Variants in DNAJB9 observed in about 807,000 individuals in gnomAD.
The protein encoded by DNAJB9 is dnaJ homolog subfamily B member 9.
In DNAJB9, 12 loss-of-function variants were observed where a neutral mutation model predicts 19.2. The observed-to-expected ratio is 0.62, with a 90% CI of 0.40 to 1.01. The LOEUF (loss-of-function observed/expected upper bound fraction) is 1.01. DNAJB9 is among the 50% of genes least tolerant of loss of function. DNAJB9 has a pLI of 0.00. For missense variants in DNAJB9, 272 were observed against 261.1 expected, an observed-to-expected ratio of 1.04 and a Z score of -0.29; for synonymous variants, 83 against 84.0, an observed-to-expected ratio of 0.99 and a Z score of 0.07.
At chr7:108,571,646 G>T in intron 1 of DNAJB9, 71 bp from the exon 2 acceptor site, 1 of 1,290,066 alleles carries the variant, frequency 7.8e-7, no homozygotes, top group Non-Finnish European at 1.1e-6. Flanking sequence ...CCTTGTGTTG[G>T]ATTTCTTTTA....
In DNAJB9 at chr7:108,573,112, G is replaced by A. The variant is rs201325742; in HGVS notation, c.431G>A (p.Arg144His). The A allele has an allele frequency of 1.1e-4, 174 of 1,614,028 alleles. No homozygotes were observed. The East Asian group carries it at 3.7e-3, about 34-fold the overall frequency. ...KKRFENHFQTRQDGGSSRQRH... is the reference protein window; with the variant it reads ...KKRFENHFQTHQDGGSSRQRH... Reference sequence around the variant, plus strand: ...CGTTTTGAAAATCATTTCCAGACACGCCAGGATGGTGGTTCCAGTAGACAA... The same window carrying A: ...CGTTTTGAAAATCATTTCCAGACACACCAGGATGGTGGTTCCAGTAGACAA... The change falls in exon 3 of 3, where the codon CGC (arginine) becomes CAC (histidine). Residue 144 changes from arginine to histidine, a missense_variant. Arg to His is a conservative substitution (Grantham distance 29). Coordinates refer to ENST00000249356, the MANE Select transcript of DNAJB9 (RefSeq NM_012328.3).
rs761096432 is a variant in DNAJB9 at position 108,571,715 on chromosome 7, A to G, written c.-10-2A>G. The G allele has an allele frequency of 1.2e-6, 2 of 1,606,260 alleles. No individual in the cohort carries two copies. Among genetic ancestry groups the G allele is most frequent in the Non-Finnish European group, 1.7e-6 (2 of 1,176,156 alleles). ...AACATTTTTTTTTCTTTTCTGTTTT[A>G]GGATATTAGAAATGGCTACTCCCCA... On this transcript the variant is annotated splice_acceptor_variant, in intron 1 of 2. Coordinates refer to ENST00000249356, the MANE Select transcript of DNAJB9 (RefSeq NM_012328.3). LOFTEE classifies it low-confidence loss of function (5UTR_SPLICE).
chr7:108,572,585 A>G (rs1352955294), intron 2 of DNAJB9, among the ~76,000 whole-genome samples: 3 of 152,224 alleles, frequency 2.0e-5, no homozygotes, highest in Admixed American at 2.0e-4. Context: ...CACACGAATA[A>G]TATGAAGATT....
chr7:108,572,243 A>G (rs1157694861), intron 2 of DNAJB9, among the ~76,000 whole-genome samples: 1 of 152,234 alleles, frequency 6.6e-6, no homozygotes, highest in Admixed American at 6.5e-5. Flanking sequence ...TTAGGTACCC[A>G]AAATTCTTAT....
chr7:108,571,706 T>C lies in DNAJB9; in HGVS notation c.-10-11T>C, dbSNP rs1345279371. On this transcript the variant is annotated splice_polypyrimidine_tract_variant and intron_variant, in intron 1 of 2. Transcript: ENST00000249356. ...TCCATCCATAACATTTTTTTTTCTT[T>C]TCTGTTTTAGGATATTAGAAATGGC... 6.3e-7 allele frequency: 1 copy of C among 1,589,276 alleles called. No individual in the cohort carries two copies. The highest frequency in any genetic ancestry group is 2.2e-5 in the East Asian group (1 of 44,636).
Position 108,574,813 on chromosome 7 carries a change from G to A in DNAJB9, c.*1460G>A, listed in dbSNP as rs916406981. The A allele has an allele frequency of 2.0e-5, 3 of 152,082 alleles. No homozygotes were observed. The highest frequency in any genetic ancestry group is 7.2e-5 in the African/African-American group (3 of 41,394). The allele number at this position is 152,082 out of a possible 1,614,324, so 9.4% of individuals were successfully genotyped here. On this transcript the variant is annotated 3_prime_UTR_variant, in exon 3 of 3. Coordinates refer to ENST00000249356, the MANE Select transcript of DNAJB9 (RefSeq NM_012328.3). ...TATTTCCTGGAAGTTATATCTACTAGTTTTGTTTGATAATAATAAAATTAG... is the reference window on the plus strand; with the variant it reads ...TATTTCCTGGAAGTTATATCTACTAATTTTGTTTGATAATAATAAAATTAG...
In DNAJB9 at chr7:108,573,364, A is replaced by C; in HGVS notation, c.*11A>C. 6.6e-7 allele frequency: 1 copy of C among 1,506,260 alleles called. No individual in the cohort carries two copies. Among genetic ancestry groups the C allele is most frequent in the Non-Finnish European group, 8.9e-7 (1 of 1,129,750 alleles). The allele number at this position is 1,506,260 out of a possible 1,614,324, so 93.3% of individuals were successfully genotyped here. ...TGTTCAGGACAGTAGTTCTTATTCTATTCTCACTAAATCCAACTGGTTGAC... is the reference window on the plus strand; with the variant it reads ...TGTTCAGGACAGTAGTTCTTATTCTCTTCTCACTAAATCCAACTGGTTGAC... On this transcript the variant is annotated 3_prime_UTR_variant, in exon 3 of 3. Transcript: ENST00000249356.
rs1212566956 is a variant in DNAJB9 at position 108,573,821 on chromosome 7, A to C, written c.*468A>C. On this transcript the variant is annotated 3_prime_UTR_variant, in exon 3 of 3. Transcript: ENST00000249356. ...AACTGTATAATTGAGTCATTCAGTA[A>C]AGGAGAACAGTATCTTGGTTAATTG... 1 of 153,038 alleles carries C rather than the reference A, an allele frequency of 6.5e-6. No homozygotes were observed. Among genetic ancestry groups the C allele is most frequent in the Non-Finnish European group, 1.5e-5 (1 of 68,350 alleles). 9.5% of individuals were successfully genotyped at this position (153,038 alleles called of 1,614,324 possible).
rs1261691651 is a variant in DNAJB9, at chr7:108,573,380, A to G, written c.*27A>G. 1 of 1,451,668 alleles carries G rather than the reference A, an allele frequency of 6.9e-7. No individual in the cohort carries two copies. The highest frequency in any genetic ancestry group is 1.4e-5 in the African/African-American group (1 of 70,684). The allele number at this position is 1,451,668 out of a possible 1,614,324, so 89.9% of individuals were successfully genotyped here. The stretch of plus-strand genomic sequence containing the variant: ...TCTTATTCTATTCTCACTAAATCCA[A>G]CTGGTTGACTCTTCCTCATTATCTT... On this transcript the variant is annotated 3_prime_UTR_variant, in exon 3 of 3. Coordinates refer to ENST00000249356, the MANE Select transcript of DNAJB9 (RefSeq NM_012328.3).
At position 108,573,296 on chromosome 7, in the gene DNAJB9, T is replaced by A; in HGVS notation, c.615T>A (p.Thr205=). 1 of 1,610,584 alleles carries A rather than the reference T, an allele frequency of 6.2e-7. No individual in the cohort carries two copies. Among genetic ancestry groups the A allele is most frequent in the Non-Finnish European group, 8.5e-7 (1 of 1,178,490 alleles). ...ATGGATCTAGCAAGCACTGCAGGAC[T>A]GTCACTCAACGAAGAGGAAATATGG... The part of the protein sequence containing the change: ...RFHGSSKHCR[T]VTQRRGNMVT... Residue 205 remains threonine (T), a synonymous_variant, in exon 3 of 3, where the codon ACT becomes ACA. Transcript: ENST00000249356.
At position 108,574,368 on chromosome 7, in the gene DNAJB9, T is replaced by C. The variant is rs1564015202; in HGVS notation, c.*1015T>C. 1 of 152,670 alleles carries C rather than the reference T, an allele frequency of 6.6e-6. No individual in the cohort carries two copies. The highest frequency in any genetic ancestry group is 1.5e-5 in the Non-Finnish European group (1 of 68,044). The allele number at this position is 152,670 out of a possible 1,614,324, so 9.5% of individuals were successfully genotyped here. ...TTAAAACAAGTGTCTCATACAACAT[T>C]GTATGTGAGAGAAATATAAATATTT... On this transcript the variant is annotated 3_prime_UTR_variant, in exon 3 of 3. Coordinates refer to ENST00000249356, the MANE Select transcript of DNAJB9 (RefSeq NM_012328.3).
chr7:108,573,924 G>C lies in DNAJB9; in HGVS notation c.*571G>C, dbSNP rs566651601. 4 of 152,480 alleles carry C rather than the reference G, an allele frequency of 2.6e-5. No homozygotes were observed. In the Middle Eastern group the frequency reaches 0.01, roughly 389 times the overall value. The allele number at this position is 152,480 out of a possible 1,614,324, so 9.4% of individuals were successfully genotyped here. On this transcript the variant is annotated 3_prime_UTR_variant, in exon 3 of 3. Transcript: ENST00000249356. Reference sequence around the variant, plus strand: ...TTTCTACAGTAGAACTGGGGTAAAGGAAATGGTTTTATTGCCCATAGTCAT... The same window carrying C: ...TTTCTACAGTAGAACTGGGGTAAAGCAAATGGTTTTATTGCCCATAGTCAT...
At position 108,573,525 on chromosome 7, in the gene DNAJB9, C is replaced by T. The variant is rs1234930381; in HGVS notation, c.*172C>T. On this transcript the variant is annotated 3_prime_UTR_variant, in exon 3 of 3. Coordinates refer to ENST00000249356, the MANE Select transcript of DNAJB9 (RefSeq NM_012328.3). ...TTTTTTTGACAAATTCAACATTCAA[C>T]GAGTAGACAAAATGCTAATTATTTC... is the stretch of plus-strand genomic sequence containing the variant. 13 of 431,038 alleles carry T rather than the reference C, an allele frequency of 3.0e-5. No individual in the cohort carries two copies. The highest frequency in any genetic ancestry group is 4.3e-5 in the Non-Finnish European group (11 of 253,392). 26.7% of individuals were successfully genotyped at this position (431,038 alleles called of 1,614,324 possible).
At chr7:108,570,383 T>C (rs1790598079) in intron 1 of DNAJB9, among the ~76,000 whole-genome samples, 1 of 151,880 alleles carries the variant, frequency 6.6e-6, no homozygotes, top group African/African-American at 2.4e-5. Context: ...CCAGTCGCCT[T>C]TAGGTGAAGG....
intron 1 of DNAJB9, 50 bp from the exon 2 acceptor site, chr7:108,571,667 G>A: frequency 2.0e-6 from 3 of 1,493,372 alleles, no homozygotes; most frequent in South Asian, 2.4e-5. Flanking sequence ...AAAGAAAAAC[G>A]TTTTAAGATT....
rs907775526 is a variant in DNAJB9 at position 108,571,344 on chromosome 7, A to T, written c.-10-373A>T. Among the ~76,000 whole-genome samples the T allele has an allele frequency of 6.0e-5, 9 of 150,762 alleles. No homozygotes were observed. The South Asian group carries it at 1.3e-3, about 21-fold the overall frequency. ...AGTTAAATACATTATTACTTTCAGG[A>T]TATGAAGTCTTGAAAGGAAAGTTGG... On this transcript the variant is annotated intron_variant, in intron 1 of 2. Transcript: ENST00000249356.
intron 1 of DNAJB9, among the ~76,000 whole-genome samples, chr7:108,570,771 G>A (rs1320352900): frequency 2.0e-5 from 3 of 152,144 alleles, no homozygotes; most frequent in Non-Finnish European, 4.4e-5. Flanking sequence ...GAGGAAGCCA[G>A]GCAATTTCCA....
chr7:108,573,280 G>A lies in DNAJB9; in HGVS notation c.599G>A (p.Ser200Asn). The change falls in exon 3 of 3, where the codon AGC (serine) becomes AAC (asparagine). Residue 200 changes from serine to asparagine, a missense_variant. By Grantham distance (46) the Ser-to-Asn change is conservative. Transcript: ENST00000249356. ...VQTENRFHGS[S>N]KHCRTVTQRR... is the part of the protein sequence containing the mutation. The stretch of plus-strand genomic sequence containing the variant: ...ACTGAAAATAGATTTCATGGATCTA[G>A]CAAGCACTGCAGGACTGTCACTCAA... 2 of 1,613,686 alleles carry A rather than the reference G, an allele frequency of 1.2e-6. No individual in the cohort carries two copies. Among genetic ancestry groups the A allele is most frequent in the Non-Finnish European group, 1.7e-6 (2 of 1,179,800 alleles).
Position 108,572,935 on chromosome 7 carries a change from A to AGTAT in DNAJB9, c.256_259dup (p.Asp87ValfsTer2). On this transcript the variant is annotated frameshift_variant, in exon 3 of 3. Transcript: ENST00000249356. LOFTEE classifies it high-confidence loss of function. The stretch of plus-strand genomic sequence containing the variant: ...CTCTCAGATGCTAATAGACGAAAAG[A>AGTAT]GTATGATACACTTGGACACAGTGCT... 6.2e-7 allele frequency: 1 copy of AGTAT among 1,612,694 alleles called. No homozygotes were observed. Among genetic ancestry groups the AGTAT allele is most frequent in the South Asian group, 1.1e-5 (1 of 90,872 alleles).
Sources: allele counts gnomAD v4.1 joint callset (sites outside exome capture counted in the v4.1 genomes callset), GRCh38; gene constraint gnomAD v4.1.1; transcripts MANE v1.5; gene names NCBI Gene and HGNC (gene_info 2026-07-23, HGNC 2026-07-21).